The following VAV2 variants were observed in gnomAD, a reference collection of about 807,000 sequenced individuals.
VAV2 encodes vav guanine nucleotide exchange factor 2, also known as guanine nucleotide exchange factor VAV2.
Under a neutral mutation model 132.5 loss-of-function variants are expected in VAV2, and 67 were observed. The ratio of observed to expected loss-of-function variants is 0.51; its 90% confidence interval spans 0.42 to 0.62. The LOEUF (loss-of-function observed/expected upper bound fraction) is 0.62. Among genes scored for constraint, VAV2 ranks in the 20% least tolerant of loss-of-function variants. VAV2 has a pLI of 0.00. For missense variants in VAV2, 938 were observed against 1,153.6 expected (o/e 0.81, Z 2.71); for synonymous variants, 492 against 443.5 (o/e 1.11, Z -1.37).
intron 1 of VAV2, among the ~76,000 whole-genome samples, chr9:133,955,094 G>A (rs118073576): frequency 0.018 from 2,710 of 152,144 alleles, 46 homozygotes; most frequent in Non-Finnish European, 0.026. Flanking sequence ...CACCCCTGCA[G>A]ATGGGAGGCA....
At chr9:133,980,235 C>T (rs561337409) in intron 1 of VAV2, among the ~76,000 whole-genome samples, 136 of 152,318 alleles carry the variant, frequency 8.9e-4, no homozygotes, top group African/African-American at 3.2e-3. Flanking sequence ...AATGGCGCTC[C>T]AGAGGCAAGA....
rs544606817 is a variant in VAV2, at chr9:133,768,644, C to T, written c.2435-48G>A. On this transcript the variant is annotated intron_variant, in intron 28 of 29. Transcript: ENST00000371850. The surrounding 1 kb of genome is among the most constrained non-coding windows in gnomAD (Gnocchi z 5.3). ...TCACACAGCTGCAGGAGGAGCCCAA[C>T]CAGTGATCCAGGAGGCCCTTGGGCC... The T allele has an allele frequency of 1.9e-6, 3 of 1,586,944 alleles. No individual in the cohort carries two copies. The highest frequency in any genetic ancestry group is 2.3e-5 in the South Asian group (2 of 87,450).
chr9:133,841,133 C>T (rs931680047), intron 3 of VAV2, among the ~76,000 whole-genome samples: 5 of 152,044 alleles, frequency 3.3e-5, no homozygotes, highest in African/African-American at 4.8e-5. Flanking sequence ...TTCTAGGGGA[C>T]GAGCCCGGAC....
At chr9:133,921,280 C>T (rs949490772) in intron 2 of VAV2, among the ~76,000 whole-genome samples, 37 of 151,900 alleles carry the variant, frequency 2.4e-4, no homozygotes, top group Admixed American at 1.3e-4. Flanking sequence ...ATGGCAGGAG[C>T]GCCATGTTTG....
At chr9:133,911,630 TAAGTCAGG>T (rs1257107818) in intron 2 of VAV2, among the ~76,000 whole-genome samples, 4 of 152,228 alleles carry the variant, frequency 2.6e-5, no homozygotes, top group African/African-American at 7.2e-5. Context: ...TCCTGAGGCC[TAAGTCAGG>T]GTGGCAGGCA....
intron 2 of VAV2, among the ~76,000 whole-genome samples, chr9:133,906,254 C>A (rs1839649076): frequency 6.6e-6 from 1 of 152,168 alleles, no homozygotes; most frequent in African/African-American, 2.4e-5. Context: ...GGTCAAAATG[C>A]CCAAGACAGT....
At chr9:133,910,646 TAAAA>T (rs377220826) in intron 2 of VAV2, among the ~76,000 whole-genome samples, 6 of 138,562 alleles carry the variant, frequency 4.3e-5, no homozygotes, top group African/African-American at 5.4e-5. Flanking sequence ...CCGACTCTAC[TAAAA>T]AAAAAAAAAA....
At chr9:133,812,091 G>A in intron 5 of VAV2, 23 bp downstream of exon 5, 2 of 1,609,654 alleles carry the variant, frequency 1.2e-6, no homozygotes, top group South Asian at 2.2e-5. Context: ...GGGGAAGGGA[G>A]GGAGGAGCGG....
chr9:133,815,392 GTGTCAC>G (rs1835517151), intron 4 of VAV2, among the ~76,000 whole-genome samples: 1 of 152,086 alleles, frequency 6.6e-6, no homozygotes, highest in African/African-American at 2.4e-5. Context: ...GGCTACACCT[GTGTCAC>G]TCATGCCCTC....
intron 22 of VAV2, among the ~76,000 whole-genome samples, chr9:133,777,965 G>A (rs1833874007): frequency 1.3e-5 from 2 of 152,088 alleles, no homozygotes; most frequent in South Asian, 2.1e-4. Flanking sequence ...AAGTGCCCTC[G>A]AGGCCCCGTG....
intron 2 of VAV2, among the ~76,000 whole-genome samples, chr9:133,867,854 C>T (rs1253560843): frequency 1.2e-4 from 19 of 152,238 alleles, no homozygotes; most frequent in Admixed American, 6.5e-4. Context: ...GTCCACCTGG[C>T]GCCGGCTCAG....
intron 4 of VAV2, among the ~76,000 whole-genome samples, chr9:133,820,898 A>G (rs1835761452): frequency 1.3e-5 from 2 of 152,190 alleles, no homozygotes; most frequent in African/African-American, 2.4e-5. Context: ...CTCACTAGAC[A>G]TGAGCTTGAC....
chr9:133,790,318 A>G (rs1834403037), intron 13 of VAV2, among the ~76,000 whole-genome samples: 1 of 152,144 alleles, frequency 6.6e-6, no homozygotes, highest in Non-Finnish European at 1.5e-5. Context: ...CTGCGATTAT[A>G]GGCACCCGCC....
intron 1 of VAV2, among the ~76,000 whole-genome samples, chr9:133,971,817 C>A (rs572401287): frequency 4.6e-5 from 7 of 152,262 alleles, no homozygotes; most frequent in Admixed American, 3.3e-4. Context: ...GCGGCCAGGG[C>A]TTCCCCCAAC....
At chr9:133,782,336 G>A (rs956430113) in intron 19 of VAV2, among the ~76,000 whole-genome samples, 2 of 152,132 alleles carry the variant, frequency 1.3e-5, no homozygotes, top group Non-Finnish European at 2.9e-5. Flanking sequence ...ATGCGACCAC[G>A]AGAGGGCAGT....
intron 1 of VAV2, among the ~76,000 whole-genome samples, chr9:133,978,576 T>A (rs1842592335): frequency 6.6e-6 from 1 of 152,238 alleles, no homozygotes. Flanking sequence ...CAAGCTGGCC[T>A]AGGGGACAAG....
chr9:133,856,983 C>T (rs1837408783), intron 3 of VAV2, among the ~76,000 whole-genome samples: 1 of 152,204 alleles, frequency 6.6e-6, no homozygotes, highest in Non-Finnish European at 1.5e-5. Context: ...TGCACAGACA[C>T]AGAGCAACCC....
intron 1 of VAV2, among the ~76,000 whole-genome samples, chr9:133,962,564 C>T (rs1312972532): frequency 3.3e-5 from 5 of 152,048 alleles, no homozygotes; most frequent in Non-Finnish European, 7.4e-5. Flanking sequence ...TACCCTGGGA[C>T]GCCCACCCAG....
In VAV2 at chr9:133,961,071, C is replaced by T. The variant is rs141640338; in HGVS notation, c.205-21852G>A. 1.0e-2 allele frequency among the ~76,000 whole-genome samples: 1,522 copies of T among 152,352 alleles called. 15 individuals are homozygous for T. Among genetic ancestry groups the T allele is most frequent in the Non-Finnish European group, 0.016 (1,092 of 68,030 alleles). ...GCAGGGGCCTCCACTGGCCCACACCCGGCACACATCACGGGCGGCCCCAAG... is the reference window on the plus strand; with the variant it reads ...GCAGGGGCCTCCACTGGCCCACACCTGGCACACATCACGGGCGGCCCCAAG... On this transcript the variant is annotated intron_variant, in intron 1 of 29. Transcript: ENST00000371850. This position sits in a 1 kb window ranked among gnomAD's most constrained non-coding sequence, Gnocchi z 4.1.
Sources: allele counts gnomAD v4.1 joint callset (sites outside exome capture counted in the v4.1 genomes callset), GRCh38; gene constraint gnomAD v4.1.1; non-coding constraint Gnocchi (gnomAD v3.1); transcripts MANE v1.5; gene names NCBI Gene and HGNC (gene_info 2026-07-23, HGNC 2026-07-21).